NHS: variants seen among roughly 807,000 people sequenced by gnomAD.
The protein encoded by NHS is actin remodeling regulator NHS.
A neutral mutation model predicts 72.5 loss-of-function variants in NHS; 5 were observed. The ratio of observed to expected loss-of-function variants is 0.07; its 90% CI spans 0.04 to 0.14. The LOEUF (loss-of-function observed/expected upper bound fraction) is 0.14. Ranked by LOEUF, NHS falls within the 10% of genes least tolerant of loss-of-function variation. The probability of loss-of-function intolerance (pLI) is 1.00; values close to 1 mark genes in which losing one functional copy is unlikely to be tolerated. For missense variants in NHS, 1,072 were observed against 1,355.7 expected, an observed-to-expected ratio of 0.79 and a Z score of 3.29; for synonymous variants, 464 against 547.7, an observed-to-expected ratio of 0.85 and a Z score of 2.13.
chrX:17,439,288 TATC>T (rs2064740407), intron 1 of NHS, among the ~76,000 whole-genome samples: 3 of 111,124 alleles, frequency 2.7e-5, no homozygotes, highest in African/African-American at 9.8e-5. Context: ...ACTATAAAAA[TATC>T]ATATATATAT....
At chrX:17,646,653 G>GA (rs919942836) in intron 1 of NHS, among the ~76,000 whole-genome samples, 2 of 111,963 alleles carry the variant, frequency 1.8e-5, no homozygotes, top group African/African-American at 6.5e-5. Flanking sequence ...TCTCAGACTG[G>GA]AAAAAACTGT....
chrX:17,556,665 G>A (rs2065375694), intron 1 of NHS, among the ~76,000 whole-genome samples: 1 of 112,538 alleles, frequency 8.9e-6, no homozygotes, highest in African/African-American at 3.2e-5. Flanking sequence ...TGGCAGCGTT[G>A]AGCTCTACAG....
chrX:17,507,968 T>C (rs1000073216), intron 1 of NHS, among the ~76,000 whole-genome samples: 1 of 111,980 alleles, frequency 8.9e-6, no homozygotes, highest in African/African-American at 3.2e-5. Context: ...TTGCATATAC[T>C]ATCTCATTTA....
At chrX:17,435,020 G>A (rs758018797) in intron 1 of NHS, among the ~76,000 whole-genome samples, 2 of 112,137 alleles carry the variant, frequency 1.8e-5, no homozygotes, top group South Asian at 7.4e-4. Flanking sequence ...CCAAAAGGAG[G>A]CATATGAAGA....
At chrX:17,414,965 C>A (rs1290781937) in intron 1 of NHS, among the ~76,000 whole-genome samples, 2 of 111,278 alleles carry the variant, frequency 1.8e-5, no homozygotes, top group Non-Finnish European at 3.8e-5. Flanking sequence ...TTCTCTGTTG[C>A]CCTTGGCAAC....
intron 1 of NHS, among the ~76,000 whole-genome samples, chrX:17,648,134 C>T (rs1172632025): frequency 8.9e-6 from 1 of 111,982 alleles, no homozygotes; most frequent in Non-Finnish European, 1.9e-5. Context: ...TACTTAGTGG[C>T]TTAAAATTTA....
At chrX:17,606,471 A>G (rs2065679980) in intron 1 of NHS, among the ~76,000 whole-genome samples, 1 of 111,428 alleles carries the variant, frequency 9.0e-6, no homozygotes, top group Non-Finnish European at 1.9e-5. Flanking sequence ...TGCTGGTCTG[A>G]CTCTTCAAAC....
chrX:17,692,202 T>C (rs2066199997), intron 2 of NHS, 133 bp from the exon 3 acceptor site: 12 of 759,449 alleles, frequency 1.6e-5, no homozygotes, highest in Non-Finnish European at 2.0e-5. Context: ...TCTTATTTGG[T>C]ATTCAAATTA....
At chrX:17,704,614 A>G (rs951806900) in intron 3 of NHS, among the ~76,000 whole-genome samples, 1 of 111,682 alleles carries the variant, frequency 9.0e-6, no homozygotes. Flanking sequence ...TTTTAAAAGA[A>G]AAGCATCTCC....
chrX:17,449,122 A>G (rs1387186286), intron 1 of NHS, among the ~76,000 whole-genome samples: 1 of 112,953 alleles, frequency 8.9e-6, no homozygotes, highest in African/African-American at 3.2e-5. Flanking sequence ...TCCAGCTCCT[A>G]ACTTGCCCAC....
intron 1 of NHS, among the ~76,000 whole-genome samples, chrX:17,650,576 C>T (rs762329566): frequency 8.9e-6 from 1 of 112,383 alleles, no homozygotes; most frequent in Non-Finnish European, 1.9e-5. Context: ...TATCCCACCT[C>T]ATGATGGGAA....
At chrX:17,698,837 AC>A (rs1194638723) in intron 3 of NHS, among the ~76,000 whole-genome samples, 2 of 111,144 alleles carry the variant, frequency 1.8e-5, no homozygotes, top group Admixed American at 9.6e-5. Context: ...GGAGGGGAAA[AC>A]CCATATGGTT....
intron 1 of NHS, among the ~76,000 whole-genome samples, chrX:17,607,951 C>G (rs2065689810): frequency 1.1e-5 from 1 of 93,185 alleles, no homozygotes; most frequent in Non-Finnish European, 2.1e-5. Flanking sequence ...CAGGGTCTGT[C>G]TCTGTCACCC....
intron 1 of NHS, among the ~76,000 whole-genome samples, chrX:17,673,644 C>A (rs1314535585): frequency 9.0e-6 from 1 of 111,535 alleles, no homozygotes; most frequent in East Asian, 2.8e-4. Context: ...TCCTAAGCAG[C>A]TCCCTACCTG....
chrX:17,489,879 T>C (rs1446442857), intron 1 of NHS, among the ~76,000 whole-genome samples: 2 of 112,363 alleles, frequency 1.8e-5, no homozygotes, highest in Admixed American at 1.9e-4. Context: ...TAATAACCAG[T>C]GACGATGAGC....
At chrX:17,533,616 C>T (rs1327748467) in intron 1 of NHS, among the ~76,000 whole-genome samples, 2 of 110,736 alleles carry the variant, frequency 1.8e-5, no homozygotes, top group East Asian at 5.6e-4. Context: ...ACTTTTAAAG[C>T]AATCAGGGAA....
intron 1 of NHS, among the ~76,000 whole-genome samples, chrX:17,583,964 C>T (rs1476286220): frequency 2.7e-5 from 3 of 111,886 alleles, no homozygotes; most frequent in Non-Finnish European, 5.6e-5. Flanking sequence ...ATTCTTCTTC[C>T]TCTCTCTCTG....
At chrX:17,402,001 C>T (rs2064504925) in intron 1 of NHS, among the ~76,000 whole-genome samples, 1 of 111,470 alleles carries the variant, frequency 9.0e-6, no homozygotes, top group Non-Finnish European at 1.9e-5. Context: ...AAAAAGACAA[C>T]CTAATTTTTT....
intron 1 of NHS, among the ~76,000 whole-genome samples, chrX:17,525,264 T>C (rs1440785376): frequency 4.4e-5 from 5 of 112,402 alleles, no homozygotes; most frequent in Non-Finnish European, 7.5e-5. Flanking sequence ...TTACACAGTG[T>C]TGATCAACAG....
Sources: gnomAD v4.1 joint callset for allele counts (sites outside exome capture counted in the v4.1 genomes callset) on GRCh38, gnomAD v4.1.1 for gene constraint, MANE v1.5 for transcripts, NCBI Gene and HGNC (gene_info 2026-07-23, HGNC 2026-07-21) for gene names.